ZNF536: variants seen among roughly 807,000 people sequenced by gnomAD.
ZNF536 encodes zinc finger protein 536.
Under a neutral mutation model 84.5 loss-of-function variants are expected in ZNF536, and 13 were observed. That is an observed-to-expected ratio of 0.15 (90% CI 0.10 to 0.24). The LOEUF is 0.24. Among genes scored for constraint, ZNF536 ranks in the 10% least tolerant of loss-of-function variants. The probability of loss-of-function intolerance (pLI) is 1.00; values close to 1 mark genes in which losing one functional copy is unlikely to be tolerated. For missense variants in ZNF536, 1,536 were observed against 1,747.5 expected (o/e 0.88, Z 2.16); for synonymous variants, 811 against 742.5 (o/e 1.09, Z -1.50).
chr19:30,560,019 G>C (rs1333530614), downstream of ZNF536, among the ~76,000 whole-genome samples: 1 of 151,918 alleles, frequency 6.6e-6, no homozygotes. Context: ...GGGCACTCAC[G>C]CCGTACACTC....
At chr19:30,606,257 A>AAAAT (rs1243425489) in intron 1 of ZNF536, among the ~76,000 whole-genome samples, 87 of 8,446 alleles carry the variant, frequency 0.01, no homozygotes, top group Admixed American at 0.038. Context: ...TAAAATAAAT[A>AAAAT]AAATAAAATA....
chr19:30,306,386 C>T (rs1003208142), intron 2 of ZNF536, among the ~76,000 whole-genome samples: 1 of 152,152 alleles, frequency 6.6e-6, no homozygotes. Context: ...TCAGATTATT[C>T]TCTTTTCTCT....
At chr19:30,533,937 G>A (rs2044964254) in intron 2 of ZNF536, among the ~76,000 whole-genome samples, 1 of 152,236 alleles carries the variant, frequency 6.6e-6, no homozygotes, top group African/African-American at 2.4e-5. Flanking sequence ...CTTTGGCAGT[G>A]TGATGTCAGG....
At chr19:30,253,361 A>G (rs1304361339) in intron 1 of ZNF536, among the ~76,000 whole-genome samples, 1 of 152,216 alleles carries the variant, frequency 6.6e-6, no homozygotes, top group African/African-American at 2.4e-5. Flanking sequence ...TAAGAGACAT[A>G]GAAAATTTAA....
At chr19:30,571,694 C>A (rs986363395) in intron 1 of ZNF536, among the ~76,000 whole-genome samples, 2 of 152,142 alleles carry the variant, frequency 1.3e-5, no homozygotes, top group Non-Finnish European at 2.9e-5. Context: ...TCCCAACATC[C>A]GGCTTCCTCC....
chr19:30,518,613 TGAA>T (rs2044188846), intron 2 of ZNF536, among the ~76,000 whole-genome samples: 8 of 152,344 alleles, frequency 5.3e-5, no homozygotes, highest in Admixed American at 5.2e-4. Flanking sequence ...AGCACCGCTT[TGAA>T]TATTAGTGCA....
intron 2 of ZNF536, among the ~76,000 whole-genome samples, chr19:30,491,897 A>C (rs1285350081): frequency 2.0e-5 from 3 of 151,762 alleles, no homozygotes; most frequent in Non-Finnish European, 4.4e-5. Flanking sequence ...AAATCCCGTT[A>C]GCCATAGTTC....
chr19:30,457,893 A>T (rs1271324128), intron 2 of ZNF536, among the ~76,000 whole-genome samples: 2 of 152,210 alleles, frequency 1.3e-5, no homozygotes, highest in African/African-American at 4.8e-5. Context: ...GTCCATCTGC[A>T]GCCTGCAGCA....
chr19:30,470,325 A>G (rs1404613265), intron 2 of ZNF536, among the ~76,000 whole-genome samples: 1 of 152,144 alleles, frequency 6.6e-6, no homozygotes, highest in East Asian at 1.9e-4. Flanking sequence ...CCCTGTTGTT[A>G]ATATCACTGT....
chr19:30,318,648 C>A (rs139092268), intron 2 of ZNF536, among the ~76,000 whole-genome samples: 438 of 152,310 alleles, frequency 2.9e-3, no homozygotes, highest in Middle Eastern at 0.014. Flanking sequence ...TGTGTGTGTG[C>A]GCATGAGTCT....
At chr19:30,704,647 CAAAAAAAAAAAA>C (rs970475752) in intron 1 of ZNF536, among the ~76,000 whole-genome samples, 549 of 53,466 alleles carry the variant, frequency 0.01, 5 homozygotes, top group Middle Eastern at 0.033. Context: ...GAGTCCATCT[CAAAAAAAAAAAA>C]AAAAAAAAAA....
At chr19:30,575,708 G>T (rs1416317030) in intron 1 of ZNF536, among the ~76,000 whole-genome samples, 5 of 152,246 alleles carry the variant, frequency 3.3e-5, no homozygotes, top group African/African-American at 4.8e-5. Flanking sequence ...CAAACCAGGA[G>T]TTAGGGAGTG....
At chr19:30,490,730 C>T (rs1267599954) in intron 2 of ZNF536, among the ~76,000 whole-genome samples, 1 of 152,138 alleles carries the variant, frequency 6.6e-6, no homozygotes, top group Admixed American at 6.5e-5. Context: ...TGCTAGGGTC[C>T]ACTACCAGGA....
intron 2 of ZNF536, among the ~76,000 whole-genome samples, chr19:30,515,277 A>C (rs1017237089): frequency 6.6e-6 from 1 of 152,140 alleles, no homozygotes; most frequent in African/African-American, 2.4e-5. Context: ...ATAACCCAAA[A>C]TATAACAACA....
intron 2 of ZNF536, among the ~76,000 whole-genome samples, chr19:30,351,429 C>T (rs180672224): frequency 8.5e-5 from 13 of 152,348 alleles, no homozygotes; most frequent in Non-Finnish European, 1.3e-4. Flanking sequence ...AGGTCAATTA[C>T]ATGCGCCAAC....
chr19:30,660,135 T>G (rs2050072402), intron 1 of ZNF536, among the ~76,000 whole-genome samples: 1 of 152,210 alleles, frequency 6.6e-6, no homozygotes, highest in Non-Finnish European at 1.5e-5. Flanking sequence ...GAGAAACAAT[T>G]GTTGTTTTCT....
intron 2 of ZNF536, among the ~76,000 whole-genome samples, chr19:30,500,817 G>A (rs2054919521): frequency 6.6e-6 from 1 of 152,248 alleles, no homozygotes; most frequent in African/African-American, 2.4e-5. Context: ...CAGTGGGATT[G>A]GTGTCAGAGG....
chr19:30,443,415 T>A (rs2052157314), intron 1 of ZNF536, 146 bp from the exon 2 acceptor site: 2 of 1,267,078 alleles, frequency 1.6e-6, no homozygotes, highest in Admixed American at 2.8e-5. Flanking sequence ...ATAATTCATT[T>A]TTTTATTATT....
intron 4 of ZNF536, among the ~76,000 whole-genome samples, chr19:30,551,294 T>C (rs2045772580): frequency 6.6e-6 from 1 of 152,178 alleles, no homozygotes. Flanking sequence ...CCCATCTTCC[T>C]ATCAGTAATG....
Sources: gnomAD v4.1 joint callset for allele counts (sites outside exome capture counted in the v4.1 genomes callset) on GRCh38, gnomAD v4.1.1 for gene constraint, MANE v1.5 for transcripts, NCBI Gene and HGNC (gene_info 2026-07-23, HGNC 2026-07-21) for gene names.